Variants in ANKS1B observed in about 807,000 individuals in gnomAD.
The protein encoded by ANKS1B is ankyrin repeat and sterile alpha motif domain containing 1B.
In ANKS1B, 36 loss-of-function variants were observed where a neutral mutation model predicts 148.3. The ratio of observed to expected loss-of-function variants is 0.24; its 90% CI spans 0.19 to 0.32. The LOEUF is 0.32. Among genes scored for constraint, ANKS1B ranks in the 10% least tolerant of loss-of-function variants. The pLI is 1.00. For missense variants in ANKS1B, 1,157 were observed against 1,542.6 expected (o/e 0.75, Z 4.19); for synonymous variants, 542 against 560.8 (o/e 0.97, Z 0.47).
In ANKS1B at chr12:98,744,716, A is replaced by G; in HGVS notation, c.*1023T>C. 1.0e-6 allele frequency: 1 copy of G among 980,916 alleles called. No homozygotes were observed. Among genetic ancestry groups the G allele is most frequent in the Non-Finnish European group, 1.2e-6 (1 of 826,128 alleles). 60.8% of individuals were successfully genotyped at this position (980,916 alleles called of 1,614,324 possible). ...TGTATTTATTTTTTCTAGAAAAAGAAATTTTTGCAATAGAATTTTATTAAC... is the reference window on the plus strand; with the variant it reads ...TGTATTTATTTTTTCTAGAAAAAGAGATTTTTGCAATAGAATTTTATTAAC... On this transcript the variant is annotated 3_prime_UTR_variant, in exon 27 of 27. Transcript: ENST00000683438.
chr12:98,978,450 C>T (rs1252149876), intron 17 of ANKS1B, among the ~76,000 whole-genome samples: 4 of 152,136 alleles, frequency 2.6e-5, no homozygotes, highest in African/African-American at 4.8e-5. Context: ...GATTTGATTA[C>T]GCTCTGGTCA....
chr12:98,822,776 G>C (rs1293861404), intron 19 of ANKS1B, among the ~76,000 whole-genome samples: 4 of 152,168 alleles, frequency 2.6e-5, no homozygotes, highest in African/African-American at 9.7e-5. Context: ...TGGCTAATTT[G>C]CCTTCTTGAT....
At chr12:99,256,982 A>G (rs2075331330) in intron 12 of ANKS1B, among the ~76,000 whole-genome samples, 1 of 152,082 alleles carries the variant, frequency 6.6e-6, no homozygotes. Flanking sequence ...GCAGTGGCTC[A>G]TGCCGTAATC....
intron 1 of ANKS1B, among the ~76,000 whole-genome samples, chr12:99,872,842 C>T (rs749056937): frequency 6.6e-6 from 1 of 151,968 alleles, no homozygotes; most frequent in Non-Finnish European, 1.5e-5. Flanking sequence ...ATAGATACAC[C>T]AATCCTAAGT....
At chr12:98,894,938 C>T in intron 17 of ANKS1B, 6 of 887,610 alleles carry the variant, frequency 6.8e-6, no homozygotes, top group Non-Finnish European at 8.1e-6. Flanking sequence ...CACCCCCCGC[C>T]GCGCGCCCTC....
At chr12:99,282,124 A>G (rs549139675) in intron 12 of ANKS1B, among the ~76,000 whole-genome samples, 13 of 152,248 alleles carry the variant, frequency 8.5e-5, no homozygotes, top group Non-Finnish European at 1.8e-4. Context: ...GGAATTTGCT[A>G]TTTTGTGGTA....
intron 17 of ANKS1B, among the ~76,000 whole-genome samples, chr12:98,936,245 C>A (rs959845188): frequency 3.9e-5 from 6 of 152,182 alleles, no homozygotes; most frequent in Non-Finnish European, 8.8e-5. Context: ...TCATGGAAAG[C>A]ATATTCTGTG....
intron 9 of ANKS1B, among the ~76,000 whole-genome samples, chr12:99,586,803 G>A (rs751863656): frequency 3.9e-5 from 6 of 152,218 alleles, no homozygotes; most frequent in East Asian, 3.9e-4. Context: ...GAGTATGTGC[G>A]GGGGAACTCC....
At chr12:99,219,303 T>A (rs2084721510) in intron 14 of ANKS1B, among the ~76,000 whole-genome samples, 3 of 152,164 alleles carry the variant, frequency 2.0e-5, no homozygotes, top group Admixed American at 6.5e-5. Flanking sequence ...TCTCACTGAT[T>A]TTACATCCTA....
chr12:99,595,441 T>C (rs2097749101), intron 9 of ANKS1B, among the ~76,000 whole-genome samples: 1 of 151,910 alleles, frequency 6.6e-6, no homozygotes, highest in Admixed American at 6.6e-5. Context: ...ATTCTTTTTC[T>C]AGTAAAAAAT....
intron 17 of ANKS1B, chr12:98,894,833 C>A (rs1220891129): frequency 3.4e-5 from 33 of 982,018 alleles, no homozygotes; most frequent in Non-Finnish European, 4.0e-5. Context: ...CTTGGCCGCG[C>A]CGCGCTGCGC....
At chr12:99,424,214 T>C (rs1253263103) in intron 11 of ANKS1B, among the ~76,000 whole-genome samples, 1 of 152,230 alleles carries the variant, frequency 6.6e-6, no homozygotes. Context: ...TTATGGATTA[T>C]GTACTTTATC....
At chr12:99,170,646 C>T (rs776483528) in intron 14 of ANKS1B, among the ~76,000 whole-genome samples, 3 of 152,148 alleles carry the variant, frequency 2.0e-5, no homozygotes, top group Admixed American at 1.3e-4. Context: ...GCCCAGTTCT[C>T]TTTGTTTCCA....
rs142537166 is a variant in ANKS1B, at chr12:99,874,000, A to ATCTC, written c.135-48615_135-48612dup. 2.2e-4 allele frequency among the ~76,000 whole-genome samples: 30 copies of ATCTC among 138,578 alleles called. 1 individual carries two copies. The highest frequency in any genetic ancestry group is 7.0e-4 in the African/African-American group (23 of 32,972). 90.9% of individuals were successfully genotyped at this position (138,578 alleles called of 152,430 possible). A position where few individuals can be genotyped will look rare whatever the true frequency, so the allele number is the denominator to read the frequency against. ...TGTGCCAATTCCTTAAAATAAATAA[A>ATCTC]TCTCTCTCTCTCTCTCTCTCACATA... On this transcript the variant is annotated intron_variant, in intron 1 of 26. Transcript: ENST00000683438.
intron 1 of ANKS1B, among the ~76,000 whole-genome samples, chr12:99,910,244 A>G (rs919905881): frequency 1.3e-5 from 2 of 149,434 alleles, no homozygotes; most frequent in African/African-American, 2.5e-5. Flanking sequence ...AATCCCAGCT[A>G]CTTGGGAAGC....
At chr12:98,979,754 C>T (rs2099906373) in intron 17 of ANKS1B, among the ~76,000 whole-genome samples, 1 of 151,680 alleles carries the variant, frequency 6.6e-6, no homozygotes, top group Non-Finnish European at 1.5e-5. Flanking sequence ...TGTGCGTGCG[C>T]TTATCTTGCT....
At chr12:99,296,838 T>A (rs2080938875) in intron 12 of ANKS1B, among the ~76,000 whole-genome samples, 1 of 152,194 alleles carries the variant, frequency 6.6e-6, no homozygotes, top group African/African-American at 2.4e-5. Context: ...TCAACTAGTA[T>A]GAAAATATAT....
At chr12:99,904,726 T>C (rs149970503) in intron 1 of ANKS1B, among the ~76,000 whole-genome samples, 317 of 152,312 alleles carry the variant, frequency 2.1e-3, no homozygotes, top group African/African-American at 7.3e-3. Context: ...ATAACTCTGA[T>C]TGAGTTGATC....
At chr12:99,864,458 G>A (rs1026851337) in intron 1 of ANKS1B, among the ~76,000 whole-genome samples, 2 of 152,116 alleles carry the variant, frequency 1.3e-5, no homozygotes, top group Non-Finnish European at 2.9e-5. Flanking sequence ...ATATTATTAA[G>A]TGAAATGTAC....
Sources: allele counts gnomAD v4.1 joint callset (sites outside exome capture counted in the v4.1 genomes callset), GRCh38; gene constraint gnomAD v4.1.1; transcripts MANE v1.5; gene names NCBI Gene and HGNC (gene_info 2026-07-23, HGNC 2026-07-21).